RFTN2: variants seen among roughly 807,000 people sequenced by gnomAD.
RFTN2 encodes the protein raftlin-2.
Under a neutral mutation model 52.7 loss-of-function variants are expected in RFTN2, and 34 were observed. The ratio of observed to expected loss-of-function variants is 0.64; its 90% CI spans 0.49 to 0.86. The LOEUF (loss-of-function observed/expected upper bound fraction) is 0.86. Ranked by LOEUF, RFTN2 falls within the 40% of genes least tolerant of loss-of-function variation. The probability of loss-of-function intolerance (pLI) is 0.00; values close to 1 mark genes in which losing one functional copy is unlikely to be tolerated. For missense variants in RFTN2, 536 were observed against 600.1 expected, an observed-to-expected ratio of 0.89 and a Z score of 1.12; for synonymous variants, 203 against 217.7, an observed-to-expected ratio of 0.93 and a Z score of 0.59.
intron 2 of RFTN2, 37 bp from the exon 3 acceptor site, chr2:197,644,309 A>G (rs374768222): frequency 1.1e-4 from 124 of 1,153,458 alleles, no homozygotes; most frequent in Non-Finnish European, 1.5e-4. Flanking sequence ...TTGGAGGCCA[A>G]TTGCTGCTTT....
At position 197,592,913 on chromosome 2, in the gene RFTN2, T is replaced by G. The variant is rs548244217; in HGVS notation, c.1233+3078A>C. On this transcript the variant is annotated intron_variant, in intron 8 of 8. Coordinates refer to ENST00000295049, the MANE Select transcript of RFTN2 (RefSeq NM_144629.3). ...CATTCTGAGATAGAGTAAGAAATTGTTTCCTTAAGTAAAAACTGAATTTGC... is the reference window on the plus strand; with the variant it reads ...CATTCTGAGATAGAGTAAGAAATTGGTTCCTTAAGTAAAAACTGAATTTGC... Among the ~76,000 whole-genome samples, 66 of 152,320 alleles carry G rather than the reference T, an allele frequency of 4.3e-4. 1 individual carries two copies. Among genetic ancestry groups the G allele is most frequent in the African/African-American group, 1.4e-3 (59 of 41,578 alleles).
intron 7 of RFTN2, among the ~76,000 whole-genome samples, chr2:197,608,816 T>C (rs2088007185): frequency 6.6e-6 from 1 of 151,810 alleles, no homozygotes; most frequent in African/African-American, 2.4e-5. Flanking sequence ...CAGTGTGTGA[T>C]GTTCCCCTCC....
intron 3 of RFTN2, among the ~76,000 whole-genome samples, chr2:197,643,598 T>G (rs375779914): frequency 1.3e-5 from 2 of 152,200 alleles, no homozygotes; most frequent in African/African-American, 4.8e-5. Context: ...GCATATTACT[T>G]TCATGAATTT....
chr2:197,587,395 C>G (rs1323833692), intron 8 of RFTN2, among the ~76,000 whole-genome samples: 1 of 152,078 alleles, frequency 6.6e-6, no homozygotes, highest in East Asian at 1.9e-4. Flanking sequence ...AGGTATACAT[C>G]CAGATGGCCT....
intron 1 of RFTN2, among the ~76,000 whole-genome samples, chr2:197,665,023 T>C (rs1384325151): frequency 1.3e-5 from 2 of 152,016 alleles, no homozygotes; most frequent in African/African-American, 2.4e-5. Flanking sequence ...GGGGCAAAGA[T>C]TGAAAAATTA....
chr2:197,613,787 A>T (rs1368645137), intron 7 of RFTN2, among the ~76,000 whole-genome samples: 1 of 152,266 alleles, frequency 6.6e-6, no homozygotes, highest in Non-Finnish European at 1.5e-5. Context: ...GGAACAAAAT[A>T]AACACCAATA....
At chr2:197,594,498 A>G (rs2106186208) in intron 8 of RFTN2, among the ~76,000 whole-genome samples, 1 of 151,726 alleles carries the variant, frequency 6.6e-6, no homozygotes, top group South Asian at 2.1e-4. Flanking sequence ...TGCCTAATTT[A>G]TTTTTTAATT....
chr2:197,594,150 G>C (rs1425197836), intron 8 of RFTN2, among the ~76,000 whole-genome samples: 5 of 150,968 alleles, frequency 3.3e-5, no homozygotes, highest in African/African-American at 9.7e-5. Context: ...CAAGTAGCTG[G>C]TACGACAGGC....
chr2:197,621,217 T>C (rs2088258295), intron 5 of RFTN2, among the ~76,000 whole-genome samples: 1 of 152,026 alleles, frequency 6.6e-6, no homozygotes, highest in African/African-American at 2.4e-5. Flanking sequence ...TTAAAATTAG[T>C]TGTATCCTGT....
chr2:197,594,846 A>C (rs2087771970), intron 8 of RFTN2, among the ~76,000 whole-genome samples: 1 of 152,230 alleles, frequency 6.6e-6, no homozygotes, highest in Non-Finnish European at 1.5e-5. Context: ...ATGTGAGACA[A>C]TTTAGCATGA....
At position 197,667,234 on chromosome 2, in the gene RFTN2, C is replaced by A. The variant is rs556271587; in HGVS notation, c.139+8086G>T. Among the ~76,000 whole-genome samples the A allele has an allele frequency of 4.6e-5, 7 of 152,274 alleles. No homozygotes were observed. In the East Asian group the frequency reaches 1.4e-3, roughly 29 times the overall value. On this transcript the variant is annotated intron_variant, in intron 1 of 8. Coordinates refer to ENST00000295049, the MANE Select transcript of RFTN2 (RefSeq NM_144629.3). ...CTCCTGACCTCAAGTGATCTGCCTG[C>A]CTCACCCTCCCAAAGTGTTGGGATT...
intron 7 of RFTN2, among the ~76,000 whole-genome samples, chr2:197,606,685 T>G (rs563695698): frequency 6.6e-6 from 1 of 151,558 alleles, no homozygotes; most frequent in African/African-American, 2.4e-5. Flanking sequence ...GAACAGACAC[T>G]TCTCAAAAGA....
rs574228501 is a variant in RFTN2 at position 197,661,507 on chromosome 2, A to T, written c.139+13813T>A. On this transcript the variant is annotated intron_variant, in intron 1 of 8. Coordinates refer to ENST00000295049, the MANE Select transcript of RFTN2 (RefSeq NM_144629.3). ...GGCTGAATAGTATTCCACCATGTAC[A>T]TATGTATCATCTTCTTTATCCATTC... Among the ~76,000 whole-genome samples, 5 of 152,216 alleles carry T rather than the reference A, an allele frequency of 3.3e-5. No homozygotes were observed. The East Asian group carries it at 9.7e-4, about 29-fold the overall frequency.
intron 7 of RFTN2, among the ~76,000 whole-genome samples, chr2:197,597,690 G>A (rs1249273972): frequency 6.6e-6 from 1 of 151,886 alleles, no homozygotes; most frequent in African/African-American, 2.4e-5. Context: ...GTCTAATTTT[G>A]TATTTTTAGC....
At chr2:197,642,408 T>C (rs2088687087) in intron 3 of RFTN2, among the ~76,000 whole-genome samples, 1 of 152,256 alleles carries the variant, frequency 6.6e-6, no homozygotes, top group African/African-American at 2.4e-5. Context: ...ACAACTTTTT[T>C]GTTTTAATCA....
chr2:197,659,870 G>T, intron 1 of RFTN2, among the ~76,000 whole-genome samples: 1 of 151,976 alleles, frequency 6.6e-6, no homozygotes, highest in Admixed American at 6.6e-5. Flanking sequence ...TTTCAAAAGG[G>T]AATAGACTGT....
At chr2:197,600,829 T>C (rs1574696409) in intron 7 of RFTN2, among the ~76,000 whole-genome samples, 1 of 152,208 alleles carries the variant, frequency 6.6e-6, no homozygotes, top group East Asian at 1.9e-4. Flanking sequence ...GTTTTAGACT[T>C]TAATGGACAG....
At chr2:197,634,700 T>C (rs1311417147) in intron 3 of RFTN2, among the ~76,000 whole-genome samples, 1 of 126,944 alleles carries the variant, frequency 7.9e-6, no homozygotes. Flanking sequence ...TTATTTTTTA[T>C]TTTTTTTTTA....
intron 1 of RFTN2, among the ~76,000 whole-genome samples, chr2:197,670,250 A>G (rs1365750707): frequency 1.3e-5 from 2 of 152,186 alleles, no homozygotes; most frequent in Non-Finnish European, 2.9e-5. Context: ...TTTCTGCAGT[A>G]TTGTGTGAGT....
Sources: gnomAD v4.1 joint callset for allele counts (sites outside exome capture counted in the v4.1 genomes callset) on GRCh38, gnomAD v4.1.1 for gene constraint, MANE v1.5 for transcripts, NCBI Gene and HGNC (gene_info 2026-07-23, HGNC 2026-07-21) for gene names.